Variants in CR1L observed in about 807,000 individuals in gnomAD.
The protein encoded by CR1L is complement component receptor 1-like protein.
CR1L carries 59 observed loss-of-function variants against 62.3 expected under a neutral mutation model. That is an observed-to-expected ratio of 0.95 (90% CI 0.77 to 1.18). The LOEUF (loss-of-function observed/expected upper bound fraction) is 1.18. Among genes scored for constraint, CR1L ranks in the 50% most tolerant of loss-of-function variants. The pLI is 0.00. For synonymous variants in CR1L, 279 were observed against 248.7 expected (o/e 1.12, Z -1.15); for missense variants, 700 against 702.8 (o/e 1.00, Z 0.04).
chr1:207,646,510 A>G (rs951447173), intron 1 of CR1L, among the ~76,000 whole-genome samples: 1 of 152,108 alleles, frequency 6.6e-6, no homozygotes, highest in African/African-American at 2.4e-5. Context: ...CAGGAGTTCA[A>G]GATCAGCCTG....
chr1:207,714,163 G>T (rs1287621082), intron 10 of CR1L, among the ~76,000 whole-genome samples: 2 of 152,214 alleles, frequency 1.3e-5, no homozygotes, highest in Admixed American at 1.3e-4. Context: ...AGAGACACAA[G>T]GGTGGACCCC....
intron 4 of CR1L, among the ~76,000 whole-genome samples, chr1:207,693,671 A>G (rs1173667053): frequency 1.3e-5 from 2 of 152,166 alleles, no homozygotes; most frequent in African/African-American, 4.8e-5. Context: ...ATGAGTTGAT[A>G]AGTTTTATAC....
At chr1:207,653,555 T>C (rs1251477569) in intron 1 of CR1L, among the ~76,000 whole-genome samples, 1 of 152,226 alleles carries the variant, frequency 6.6e-6, no homozygotes, top group Non-Finnish European at 1.5e-5. Flanking sequence ...AATATGCTTG[T>C]ATCCAGATGA....
chr1:207,667,457 A>G (rs1034223565), intron 1 of CR1L, among the ~76,000 whole-genome samples: 1 of 152,156 alleles, frequency 6.6e-6, no homozygotes, highest in African/African-American at 2.4e-5. Context: ...CCTTCCTCTT[A>G]TAAGGATCCC....
chr1:207,694,322 A>T (rs745961586), intron 4 of CR1L, 31 bp from the exon 5 acceptor site: 631 of 1,612,418 alleles, frequency 3.9e-4, no homozygotes, highest in Admixed American at 9.5e-4. Flanking sequence ...GTCATTCATT[A>T]TTTAAATTGA....
intron 9 of CR1L, among the ~76,000 whole-genome samples, chr1:207,703,790 A>G (rs1489723361): frequency 3.3e-5 from 5 of 152,208 alleles, no homozygotes; most frequent in Non-Finnish European, 7.3e-5. Context: ...CCCCGTCTCT[A>G]TTAAAAATAC....
chr1:207,699,726 A>G (rs1459426741), intron 8 of CR1L, among the ~76,000 whole-genome samples: 2 of 152,174 alleles, frequency 1.3e-5, no homozygotes, highest in Non-Finnish European at 2.9e-5. Flanking sequence ...AGTATCAAAC[A>G]TGCCTTTATT....
At chr1:207,675,303 A>T (rs1167773049) in intron 1 of CR1L, among the ~76,000 whole-genome samples, 2 of 152,192 alleles carry the variant, frequency 1.3e-5, no homozygotes, top group Non-Finnish European at 2.9e-5. Context: ...AGTAGTTTAG[A>T]TTCCAAATCC....
At chr1:207,702,305 C>A (rs1371938569) in intron 9 of CR1L, among the ~76,000 whole-genome samples, 1 of 152,170 alleles carries the variant, frequency 6.6e-6, no homozygotes, top group Non-Finnish European at 1.5e-5. Context: ...AATGTGCATG[C>A]TTTGACTGCT....
chr1:207,666,043 T>C (rs970536993), intron 1 of CR1L, among the ~76,000 whole-genome samples: 12 of 152,232 alleles, frequency 7.9e-5, no homozygotes, highest in Non-Finnish European at 2.9e-5. Context: ...GAATCAGTTA[T>C]GCATGGAGGA....
At chr1:207,697,901 G>A (rs369037746) in intron 7 of CR1L, 28 bp downstream of exon 7, 18 of 1,613,562 alleles carry the variant, frequency 1.1e-5, no homozygotes, top group Middle Eastern at 3.3e-4. Flanking sequence ...TGACCTGCTG[G>A]ACATTGAAAT....
intron 1 of CR1L, among the ~76,000 whole-genome samples, chr1:207,675,484 A>G (rs1445859675): frequency 6.6e-6 from 1 of 152,232 alleles, no homozygotes; most frequent in African/African-American, 2.4e-5. Context: ...AATGTCATAG[A>G]CAGGGGAAAA....
intron 10 of CR1L, chr1:207,715,523 G>A (rs1653972816): frequency 5.8e-6 from 3 of 519,510 alleles, no homozygotes; most frequent in Admixed American, 6.7e-5. Flanking sequence ...CTTCTCTGTT[G>A]GAAGAATTTC....
In CR1L at chr1:207,678,210, G is replaced by A. The variant is rs149273627; in HGVS notation, c.290G>A (p.Arg97His). 1,365 of 1,613,408 alleles carry A rather than the reference G, an allele frequency of 8.5e-4. 14 individuals carry two copies. In the African/African-American group the frequency reaches 0.017, roughly 20 times the overall value. The change falls in exon 3 of 12, where the codon CGT becomes CAT. Residue 97 changes from arginine to histidine, a missense_variant. Physicochemically the swap from Arg to His is conservative, Grantham distance 29. Transcript: ENST00000508064. Reference sequence around the variant, plus strand: ...TTCTTTCCTGTAGGTAAATCATGTCGTAATCCTCCAGATCCTGTGAATGGC... The same window carrying A: ...TTCTTTCCTGTAGGTAAATCATGTCATAATCCTCCAGATCCTGTGAATGGC... The part of the protein sequence containing the change: ...AKDKCKRKSC[R>H]NPPDPVNGMA...
At chr1:207,713,785 G>A (rs1412615103) in intron 10 of CR1L, among the ~76,000 whole-genome samples, 1 of 152,258 alleles carries the variant, frequency 6.6e-6, no homozygotes, top group Non-Finnish European at 1.5e-5. Context: ...GTAACAGCAT[G>A]GTAATAGCTC....
intron 10 of CR1L, among the ~76,000 whole-genome samples, chr1:207,717,216 TA>T (rs1654019722): frequency 6.6e-6 from 1 of 152,162 alleles, no homozygotes; most frequent in African/African-American, 2.4e-5. Flanking sequence ...CCAAATTCAT[TA>T]TGAACGTAGC....
chr1:207,696,274 C>T (rs1664100338), intron 5 of CR1L, among the ~76,000 whole-genome samples: 1 of 152,352 alleles, frequency 6.6e-6, no homozygotes, highest in African/African-American at 2.4e-5. Flanking sequence ...AGAATTGAAG[C>T]TGTAGCTGCT....
intron 10 of CR1L, among the ~76,000 whole-genome samples, chr1:207,716,008 C>A (rs185684088): frequency 7.2e-5 from 11 of 152,212 alleles, no homozygotes; most frequent in Admixed American, 7.2e-4. Flanking sequence ...TTCTTATGTT[C>A]TTTTATCCCC....
At chr1:207,700,379 C>T (rs1251256759) in intron 8 of CR1L, among the ~76,000 whole-genome samples, 1 of 152,174 alleles carries the variant, frequency 6.6e-6, no homozygotes, top group African/African-American at 2.4e-5. Flanking sequence ...CAAGCTTTCT[C>T]TTATTTTTCA....
Sources: gnomAD v4.1 joint callset for allele counts (sites outside exome capture counted in the v4.1 genomes callset) on GRCh38, gnomAD v4.1.1 for gene constraint, MANE v1.5 for transcripts, NCBI Gene and HGNC (gene_info 2026-07-23, HGNC 2026-07-21) for gene names.